CDH5: variants seen among roughly 807,000 people sequenced by gnomAD.
CDH5 encodes cadherin-5.
CDH5 carries 28 observed loss-of-function variants against 62.0 expected under a neutral mutation model. That is an observed-to-expected ratio of 0.45 (90% CI 0.33 to 0.62). CDH5 has a LOEUF of 0.62. Among genes scored for constraint, CDH5 ranks in the 20% least tolerant of loss-of-function variants. CDH5 has a pLI of 0.02. For missense variants in CDH5, 940 were observed against 1,065.1 expected (o/e 0.88, Z 1.63); for synonymous variants, 464 against 445.8 (o/e 1.04, Z -0.52).
At chr16:66,369,591 T>C (rs1349738693) in intron 1 of CDH5, among the ~76,000 whole-genome samples, 5 of 152,080 alleles carry the variant, frequency 3.3e-5, no homozygotes, top group Non-Finnish European at 5.9e-5. Context: ...GCCCTGACAG[T>C]CCCAGACAAA....
intron 8 of CDH5, among the ~76,000 whole-genome samples, chr16:66,396,442 T>C (rs1344197644): frequency 2.0e-5 from 3 of 152,178 alleles, no homozygotes; most frequent in Non-Finnish European, 4.4e-5. Context: ...CGGAATCTCA[T>C]GCATGTCACA....
At chr16:66,396,664 G>A (rs118190465) in intron 8 of CDH5, among the ~76,000 whole-genome samples, 1 of 152,300 alleles carries the variant, frequency 6.6e-6, no homozygotes, top group Non-Finnish European at 1.5e-5. Flanking sequence ...CAGTTAATAG[G>A]TAGAATTCAA....
intron 1 of CDH5, among the ~76,000 whole-genome samples, chr16:66,371,735 C>T (rs2142304525): frequency 6.6e-6 from 1 of 152,264 alleles, no homozygotes; most frequent in Non-Finnish European, 1.5e-5. Context: ...TTGAGTGGGG[C>T]TCTGGTCAGG....
intron 2 of CDH5, 98 bp downstream of exon 2, chr16:66,379,645 T>C (rs1205322712): frequency 1.9e-6 from 2 of 1,036,224 alleles, no homozygotes; most frequent in African/African-American, 1.6e-5. Flanking sequence ...TGGTAATAGA[T>C]ATTGTGGTGG....
At chr16:66,378,608 G>A (rs531170546) in intron 1 of CDH5, among the ~76,000 whole-genome samples, 2 of 152,172 alleles carry the variant, frequency 1.3e-5, no homozygotes. Context: ...TGAACAATGA[G>A]GATAACCTGA....
Position 66,383,495 on chromosome 16 carries a change from A to G in CDH5, c.211-3314A>G, listed in dbSNP as rs534823208. Among the ~76,000 whole-genome samples, 45 of 152,266 alleles carry G rather than the reference A, an allele frequency of 3.0e-4. No individual in the cohort carries two copies. The East Asian group carries it at 5.6e-3, about 19-fold the overall frequency. On this transcript the variant is annotated intron_variant, in intron 2 of 11. Transcript: ENST00000341529. ...ACATGAAATTGTATGCAGAACTCCA[A>G]TCACACAGATCCAAGCTGATTTCCT...
chr16:66,398,130 G>A, intron 9 of CDH5, 24 bp downstream of exon 9: 1 of 1,614,084 alleles, frequency 6.2e-7, no homozygotes, highest in Non-Finnish European at 8.5e-7. Context: ...AGGTGGGAGG[G>A]GAAGGCAGCA....
rs563015942 is a variant in CDH5 at position 66,402,897 on chromosome 16, G to A, written c.2083G>A (p.Ala695Thr). ...YAQVQKPPRH[A>T]PGAHGGPGEM... ...GCAGGTGCAGAAGCCACCGAGGCAC[G>A]CGCCTGGGGCACACGGAGGGCCCGG... is the stretch of plus-strand genomic sequence containing the variant. Residue 695 changes from alanine (A) to threonine (T), a missense_variant, in exon 12 of 12, where the codon GCG becomes ACG. By Grantham distance (58) the Ala-to-Thr change is moderately conservative. Coordinates refer to ENST00000341529, the MANE Select transcript of CDH5 (RefSeq NM_001795.5). 8 of 1,611,186 alleles carry A rather than the reference G, an allele frequency of 5.0e-6. No homozygotes were observed. The African/African-American group carries it at 5.3e-5, about 11-fold the overall frequency.
intron 2 of CDH5, among the ~76,000 whole-genome samples, chr16:66,382,895 G>A (rs1960922379): frequency 6.6e-6 from 1 of 152,154 alleles, no homozygotes; most frequent in Non-Finnish European, 1.5e-5. Context: ...AGCAAGTCCT[G>A]AGCCGCCTTC....
At chr16:66,388,242 G>A in intron 3 of CDH5, 82 bp from the exon 4 acceptor site, 1 of 857,378 alleles carries the variant, frequency 1.2e-6, no homozygotes, top group Non-Finnish European at 2.0e-6. Context: ...AGCACAGCCT[G>A]AGCCCCATCT....
chr16:66,368,434 G>GCCTGCAGCCTCAT (rs1366094227), intron 1 of CDH5, among the ~76,000 whole-genome samples: 1 of 152,194 alleles, frequency 6.6e-6, no homozygotes, highest in Non-Finnish European at 1.5e-5. Context: ...TGCAGCCTCA[G>GCCTGCAGCCTCAT]CCTGAGCTAT....
intron 1 of CDH5, among the ~76,000 whole-genome samples, chr16:66,372,246 T>A (rs979041684): frequency 2.0e-5 from 3 of 152,210 alleles, no homozygotes; most frequent in Non-Finnish European, 4.4e-5. Flanking sequence ...CCGGCATCCC[T>A]CTCTCCCACG....
Position 66,403,830 on chromosome 16 carries a change from C to T in CDH5, c.*661C>T, listed in dbSNP as rs1182783239. On this transcript the variant is annotated 3_prime_UTR_variant, in exon 12 of 12. Coordinates refer to ENST00000341529, the MANE Select transcript of CDH5 (RefSeq NM_001795.5). This position sits in a 1 kb window ranked among gnomAD's most constrained non-coding sequence, Gnocchi z 4.3. Reference sequence around the variant, plus strand: ...CTGGCCTGCCATGCCAGTAACTGTGCTGTACTGAGCACTGAACCACATTCA... The same window carrying T: ...CTGGCCTGCCATGCCAGTAACTGTGTTGTACTGAGCACTGAACCACATTCA... 1.3e-5 allele frequency: 2 copies of T among 154,342 alleles called. No homozygotes were observed. The highest frequency in any genetic ancestry group is 2.9e-5 in the Non-Finnish European group (2 of 69,284). The allele number at this position is 154,342 out of a possible 1,614,324, so 9.6% of individuals were successfully genotyped here.
rs1214459310 is a variant in CDH5 at position 66,398,545 on chromosome 16, C to T, written c.1575C>T (p.Thr525=). 1.9e-6 allele frequency: 3 copies of T among 1,567,616 alleles called. No homozygotes were observed. The East Asian group carries it at 6.7e-5, about 35-fold the overall frequency. ...TCTTGAATACTGAGAACAACTTTAC[C>T]CTCACGGATAATCACGGTAGGCATC... is the stretch of plus-strand genomic sequence containing the variant. ...KFILNTENNF[T]LTDNHDNTAN... is the part of the protein sequence containing the mutation. Residue 525 remains threonine (T), a synonymous_variant, in exon 10 of 12, where the codon ACC becomes ACT. Coordinates refer to ENST00000341529, the MANE Select transcript of CDH5 (RefSeq NM_001795.5).
At chr16:66,390,378 C>T (rs901141572) in intron 5 of CDH5, 25 bp from the exon 6 acceptor site, 4 of 1,594,442 alleles carry the variant, frequency 2.5e-6, no homozygotes, top group Non-Finnish European at 3.4e-6. Flanking sequence ...ACCCAAAGCC[C>T]TTTGGGGTGC....
At chr16:66,377,673 C>T (rs1164152655) in intron 1 of CDH5, 1 of 152,306 alleles carries the variant, frequency 6.6e-6, no homozygotes, top group African/African-American at 2.4e-5. Context: ...ATATGTGAGT[C>T]CTGGTTCCCT....
chr16:66,386,793 A>T lies in CDH5; in HGVS notation c.211-16A>T. Reference sequence around the variant, plus strand: ...CTGCCGCCCATTCCCAGCTCACGTCACCTCTTCTTTTCTAGATCAAGTCAA... The same window carrying T: ...CTGCCGCCCATTCCCAGCTCACGTCTCCTCTTCTTTTCTAGATCAAGTCAA... On this transcript the variant is annotated splice_polypyrimidine_tract_variant and intron_variant, in intron 2 of 11. Coordinates refer to ENST00000341529, the MANE Select transcript of CDH5 (RefSeq NM_001795.5). The T allele has an allele frequency of 6.3e-7, 1 of 1,584,746 alleles. No homozygotes were observed. Among genetic ancestry groups the T allele is most frequent in the Non-Finnish European group, 8.6e-7 (1 of 1,163,352 alleles).
At chr16:66,384,837 A>G (rs1211560592) in intron 2 of CDH5, among the ~76,000 whole-genome samples, 1 of 152,088 alleles carries the variant, frequency 6.6e-6, no homozygotes, top group African/African-American at 2.4e-5. Context: ...ACGGTGGCAC[A>G]TGCCTATAAT....
Position 66,402,990 on chromosome 16 carries a change from G to A in CDH5, c.2176G>A (p.Asp726Asn), listed in dbSNP as rs757793643. The A allele has an allele frequency of 3.9e-5, 63 of 1,613,270 alleles. No individual in the cohort carries two copies. The highest frequency in any genetic ancestry group is 4.6e-5 in the Non-Finnish European group (54 of 1,179,846). ...CCACGACGGCGACGGCCCCCCCTAC[G>A]ACACGCTGCACATCTACGGCTACGA... The part of the protein sequence containing the change: ...ADHDGDGPPY[D>N]TLHIYGYEGS... The change falls in exon 12 of 12, where the codon GAC (aspartate) becomes AAC (asparagine). Residue 726 changes from aspartate (D) to asparagine (N), a missense_variant. Coordinates refer to ENST00000341529, the MANE Select transcript of CDH5 (RefSeq NM_001795.5).
Sources: allele counts gnomAD v4.1 joint callset (sites outside exome capture counted in the v4.1 genomes callset), GRCh38; gene constraint gnomAD v4.1.1; non-coding constraint Gnocchi (gnomAD v3.1); transcripts MANE v1.5; gene names NCBI Gene and HGNC (gene_info 2026-07-23, HGNC 2026-07-21).